The following SENP2 variants were observed in gnomAD, a reference collection of about 807,000 sequenced individuals.
SENP2 encodes SUMO specific peptidase 2.
Under a neutral mutation model 86.3 loss-of-function variants are expected in SENP2, and 16 were observed. The ratio of observed to expected loss-of-function variants is 0.19; its 90% CI spans 0.13 to 0.28. SENP2 has a LOEUF of 0.28. Among genes scored for constraint, SENP2 ranks in the 10% least tolerant of loss-of-function variants. SENP2 has a pLI of 1.00. For synonymous variants in SENP2, 222 were observed against 238.7 expected (o/e 0.93, Z 0.64); for missense variants, 552 against 703.0 (o/e 0.79, Z 2.43).
chr3:185,614,215 T>C (rs759159516), intron 10 of SENP2, among the ~76,000 whole-genome samples: 2 of 152,198 alleles, frequency 1.3e-5, no homozygotes, highest in Non-Finnish European at 2.9e-5. Context: ...TTCTGAGTGA[T>C]GGGATTGTGG....
At chr3:185,596,069 G>A (rs1437818412) in intron 2 of SENP2, among the ~76,000 whole-genome samples, 5 of 152,056 alleles carry the variant, frequency 3.3e-5, no homozygotes, top group African/African-American at 7.2e-5. Flanking sequence ...GGATTCAAAC[G>A]ATTCTGCTGC....
intron 1 of SENP2, 47 bp from the exon 2 acceptor site, chr3:185,590,067 G>C: frequency 9.7e-7 from 1 of 1,027,172 alleles, no homozygotes; most frequent in Non-Finnish European, 1.4e-6. Context: ...AGAAATGAAT[G>C]TGTGTGTAAA....
chr3:185,621,724 T>G, intron 13 of SENP2, 102 bp from the exon 14 acceptor site: 1 of 646,322 alleles, frequency 1.5e-6, no homozygotes, highest in Non-Finnish European at 2.6e-6. Context: ...AAAATTTATA[T>G]TGGTACATGT....
intron 5 of SENP2, among the ~76,000 whole-genome samples, chr3:185,603,446 TA>T (rs1241071109): frequency 6.6e-6 from 1 of 152,284 alleles, no homozygotes; most frequent in African/African-American, 2.4e-5. Flanking sequence ...TACAAAACCA[TA>T]GGCCTGTATT....
At chr3:185,592,034 T>TTTTTTTTTTTA (rs1722024459) in intron 2 of SENP2, among the ~76,000 whole-genome samples, 2 of 114,586 alleles carry the variant, frequency 1.7e-5, no homozygotes, top group African/African-American at 3.6e-5. Flanking sequence ...TTTTTTTTTT[T>TTTTTTTTTTTA]GAGACAGGAT....
At chr3:185,610,317 C>T (rs533488680) in intron 7 of SENP2, among the ~76,000 whole-genome samples, 81 of 152,104 alleles carry the variant, frequency 5.3e-4, no homozygotes, top group African/African-American at 1.9e-3. Flanking sequence ...TCCACCGCCA[C>T]GCCCAGCTAA....
rs538412278 is a variant in SENP2, at chr3:185,602,145, G to A, written c.449+1290G>A. On this transcript the variant is annotated intron_variant, in intron 5 of 16. Coordinates refer to ENST00000296257, the MANE Select transcript of SENP2 (RefSeq NM_021627.3). ...TGAGTGCTCCCTTCTGGTTTATGCC[G>A]TCTCCCTCCATGTTTGTTTATTTTG... is the stretch of plus-strand genomic sequence containing the variant. 6.1e-4 allele frequency among the ~76,000 whole-genome samples: 93 copies of A among 151,890 alleles called. 1 individual carries two copies. Among genetic ancestry groups the A allele is most frequent in the South Asian group, 2.1e-3 (10 of 4,802 alleles).
intron 4 of SENP2, 89 bp from the exon 5 acceptor site, chr3:185,600,676 A>G: frequency 1.3e-6 from 1 of 783,338 alleles, no homozygotes; most frequent in Non-Finnish European, 2.2e-6. Context: ...TCTATGATGT[A>G]GGTTGCTCAC....
At chr3:185,621,713 A>C (rs1314237331) in intron 13 of SENP2, 113 bp from the exon 14 acceptor site, 1 of 614,004 alleles carries the variant, frequency 1.6e-6, no homozygotes, top group African/African-American at 1.9e-5. Context: ...AAGATACATA[A>C]AAAATTTATA....
At chr3:185,589,667 T>A (rs1322047061) in intron 1 of SENP2, among the ~76,000 whole-genome samples, 5 of 152,166 alleles carry the variant, frequency 3.3e-5, no homozygotes, top group Non-Finnish European at 4.4e-5. Context: ...TTTGCTTTTA[T>A]TTTTAGTTTT....
chr3:185,627,702 C>G (rs1388630400), intron 16 of SENP2, among the ~76,000 whole-genome samples: 1 of 152,040 alleles, frequency 6.6e-6, no homozygotes, highest in Non-Finnish European at 1.5e-5. Context: ...TGAGCCACCG[C>G]GCCTGGCCTG....
Position 185,613,666 on chromosome 3 carries a change from A to G in SENP2, c.933+258A>G, listed in dbSNP as rs1722766724. On this transcript the variant is annotated intron_variant, in intron 10 of 16. Coordinates refer to ENST00000296257, the MANE Select transcript of SENP2 (RefSeq NM_021627.3). ...GGCAACATAGTGAGACTGTCTCCACAAAAAAATTTAAAAGTTAGCCAGGCA... is the reference window on the plus strand; with the variant it reads ...GGCAACATAGTGAGACTGTCTCCACGAAAAAATTTAAAAGTTAGCCAGGCA... The G allele has an allele frequency of 2.5e-5, 6 of 235,844 alleles. No individual in the cohort carries two copies. In the East Asian group the frequency reaches 3.3e-4, roughly 13 times the overall value. The allele number at this position is 235,844 out of a possible 1,614,324, so 14.6% of individuals were successfully genotyped here.
intron 9 of SENP2, among the ~76,000 whole-genome samples, chr3:185,612,997 G>T (rs922391670): frequency 6.6e-6 from 1 of 152,212 alleles, no homozygotes; most frequent in African/African-American, 2.4e-5. Context: ...TGGGATGATG[G>T]TTTATAGCAG....
chr3:185,624,102 A>C lies in SENP2; in HGVS notation c.1611+20A>C. 6.4e-7 allele frequency: 1 copy of C among 1,554,880 alleles called. No homozygotes were observed. Among genetic ancestry groups the C allele is most frequent in the Non-Finnish European group, 8.8e-7 (1 of 1,130,958 alleles). Reference sequence around the variant, plus strand: ...CCACACGTGAGTGACGATCATCTACATGTGACATACTTGGTTGCATTTACT... The same window carrying C: ...CCACACGTGAGTGACGATCATCTACCTGTGACATACTTGGTTGCATTTACT... On this transcript the variant is annotated intron_variant, in intron 15 of 16. Transcript: ENST00000296257.
In SENP2 at chr3:185,631,165, T is replaced by C. The variant is rs1411484033; in HGVS notation, c.*1321T>C. 1 of 152,096 alleles carries C rather than the reference T, an allele frequency of 6.6e-6. No homozygotes were observed. The highest frequency in any genetic ancestry group is 1.5e-5 in the Non-Finnish European group (1 of 67,998). The allele number at this position is 152,096 out of a possible 1,614,324, so 9.4% of individuals were successfully genotyped here. A position where few individuals can be genotyped will look rare whatever the true frequency, so the allele number is the denominator to read the frequency against. On this transcript the variant is annotated 3_prime_UTR_variant, in exon 17 of 17. Transcript: ENST00000296257. ...AACCTCCCAGACTTGTTCTGGTTCATAAAAGCAAGAGGTAAAACTGGAAAA... is the reference window on the plus strand; with the variant it reads ...AACCTCCCAGACTTGTTCTGGTTCACAAAAGCAAGAGGTAAAACTGGAAAA...
chr3:185,627,616 T>G (rs1712212367), intron 16 of SENP2, among the ~76,000 whole-genome samples: 1 of 152,214 alleles, frequency 6.6e-6, no homozygotes. Flanking sequence ...TTTCACCGTG[T>G]TGGCCAGGCT....
chr3:185,623,968 G>A (rs1036279213), intron 14 of SENP2, 30 bp from the exon 15 acceptor site: 2 of 1,307,128 alleles, frequency 1.5e-6, no homozygotes, highest in Non-Finnish European at 2.2e-6. Flanking sequence ...GGGATTTATT[G>A]ATGTATTCCT....
chr3:185,617,790 C>T (rs372892265), intron 12 of SENP2, among the ~76,000 whole-genome samples, 179 bp downstream of exon 12: 14 of 152,110 alleles, frequency 9.2e-5, no homozygotes, highest in Admixed American at 7.9e-4. Flanking sequence ...CTTTGATTAG[C>T]GATGTTTCCC....
intron 13 of SENP2, among the ~76,000 whole-genome samples, chr3:185,619,948 G>A (rs765880817): frequency 6.6e-6 from 1 of 151,618 alleles, no homozygotes; most frequent in Non-Finnish European, 1.5e-5. Flanking sequence ...TGCCCTGGTT[G>A]GTATCCAACG....
Sources: gnomAD v4.1 joint callset for allele counts (sites outside exome capture counted in the v4.1 genomes callset) on GRCh38, gnomAD v4.1.1 for gene constraint, MANE v1.5 for transcripts, NCBI Gene and HGNC (gene_info 2026-07-23, HGNC 2026-07-21) for gene names.